Variants in RAD51B observed in about 807,000 individuals in gnomAD.
The protein encoded by RAD51B is RAD51 paralog B, also known as DNA repair protein RAD51 homolog 2.
RAD51B carries 38 observed loss-of-function variants against 42.2 expected under a neutral mutation model. The observed-to-expected ratio is 0.90, with a 90% confidence interval of 0.70 to 1.18. RAD51B has a LOEUF of 1.18. Ranked by LOEUF, RAD51B falls within the 50% of genes most tolerant of loss-of-function variation. RAD51B has a pLI of 0.00. For synonymous variants in RAD51B, 154 were observed against 145.2 expected (o/e 1.06, Z -0.43); for missense variants, 373 against 400.7 (o/e 0.93, Z 0.59).
At chr14:68,557,231 A>T (rs2140009284) in intron 10 of RAD51B, among the ~76,000 whole-genome samples, 1 of 152,330 alleles carries the variant, frequency 6.6e-6, no homozygotes, top group South Asian at 2.1e-4. Context: ...AAAGTTGAAA[A>T]TATTGTGAGT....
At chr14:68,347,689 TAAAG>T (rs1276208203) in intron 8 of RAD51B, among the ~76,000 whole-genome samples, 13 of 152,256 alleles carry the variant, frequency 8.5e-5, no homozygotes, top group Admixed American at 6.5e-4. Context: ...TAATAATAAA[TAAAG>T]AAACAGGCCC....
chr14:68,355,061 A>C (rs551160875), intron 8 of RAD51B, among the ~76,000 whole-genome samples: 1 of 152,226 alleles, frequency 6.6e-6, no homozygotes, highest in Non-Finnish European at 1.5e-5. Context: ...CGTGATGCAC[A>C]GTAAAAAGAA....
intron 8 of RAD51B, among the ~76,000 whole-genome samples, chr14:68,345,643 C>T (rs1329603974): frequency 6.6e-6 from 1 of 151,546 alleles, no homozygotes; most frequent in Non-Finnish European, 1.5e-5. Flanking sequence ...TTAAGCTCAG[C>T]GTCAGGTGTT....
chr14:68,446,955 G>T (rs1030659889), intron 9 of RAD51B, among the ~76,000 whole-genome samples: 2 of 152,182 alleles, frequency 1.3e-5, no homozygotes, highest in Non-Finnish European at 2.9e-5. Flanking sequence ...GGTGGCTCAT[G>T]CCTGTAATCC....
At chr14:68,549,942 C>T (rs1428896799) in intron 10 of RAD51B, among the ~76,000 whole-genome samples, 1 of 152,164 alleles carries the variant, frequency 6.6e-6, no homozygotes. Flanking sequence ...TGCAAGTTTT[C>T]CAGCTGTCCC....
intron 7 of RAD51B, among the ~76,000 whole-genome samples, chr14:68,258,052 A>AAT (rs2080791674): frequency 6.6e-6 from 1 of 152,172 alleles, no homozygotes; most frequent in Non-Finnish European, 1.5e-5. Flanking sequence ...GAAATGTATT[A>AAT]CTAATCACCT....
chr14:68,399,036 G>A (rs533001813), intron 8 of RAD51B, among the ~76,000 whole-genome samples: 1 of 152,260 alleles, frequency 6.6e-6, no homozygotes, highest in East Asian at 1.9e-4. Context: ...AAAGTTAACA[G>A]ATGATTCTGA....
intron 7 of RAD51B, among the ~76,000 whole-genome samples, chr14:67,993,228 A>G (rs1040077722): frequency 5.9e-5 from 9 of 152,192 alleles, no homozygotes; most frequent in Admixed American, 3.3e-4. Context: ...TTTAAAATGT[A>G]CAAAAAATTA....
intron 7 of RAD51B, among the ~76,000 whole-genome samples, chr14:67,967,171 C>T (rs940981053): frequency 2.0e-5 from 3 of 152,142 alleles, no homozygotes; most frequent in East Asian, 1.9e-4. Flanking sequence ...TTCACTACCA[C>T]GAAAACAGTG....
In RAD51B at chr14:68,425,972, C is replaced by CTTTCTTTCTTTCTTTG. The variant is rs1201664663; in HGVS notation, c.957+14451_957+14452insTCTTTCTTTGTTTCTT. ...TCTTTCTTTCTTTCTTTCTTTCTTTCTTTCTTCCTTCCTTCCTTCCTTCCT... is the reference window on the plus strand; with the variant it reads ...TCTTTCTTTCTTTCTTTCTTTCTTTCTTTCTTTCTTTCTTTGTTTCTTCCTTCCTTCCTTCCTTCCT... On this transcript the variant is annotated intron_variant, in intron 9 of 10. Transcript: ENST00000471583. 3.7e-4 allele frequency among the ~76,000 whole-genome samples: 45 copies of CTTTCTTTCTTTCTTTG among 121,054 alleles called. 1 individual carries two copies. The East Asian group carries it at 9.0e-3, about 24-fold the overall frequency. The allele number at this position is 121,054 out of a possible 152,430, so 79.4% of individuals were successfully genotyped here. A position where few individuals can be genotyped will look rare whatever the true frequency, so the allele number is the denominator to read the frequency against.
At chr14:68,189,382 T>C (rs1357192053) in intron 7 of RAD51B, among the ~76,000 whole-genome samples, 1 of 152,116 alleles carries the variant, frequency 6.6e-6, no homozygotes. Context: ...AAGTATTTTT[T>C]TGTAGATGTT....
chr14:67,989,994 C>CTTTT (rs539586350), intron 7 of RAD51B, among the ~76,000 whole-genome samples: 13 of 118,384 alleles, frequency 1.1e-4, no homozygotes, highest in South Asian at 2.8e-4. Context: ...CTTTTAACAT[C>CTTTT]TTTTTTTTTT....
At chr14:68,338,259 A>C (rs1003991878) in intron 8 of RAD51B, among the ~76,000 whole-genome samples, 1 of 152,224 alleles carries the variant, frequency 6.6e-6, no homozygotes, top group South Asian at 2.1e-4. Context: ...GGACCCAGGC[A>C]ACTAGTCCCT....
chr14:68,387,528 A>G (rs1367126786), intron 8 of RAD51B, among the ~76,000 whole-genome samples: 1 of 152,248 alleles, frequency 6.6e-6, no homozygotes, highest in African/African-American at 2.4e-5. Context: ...TTGTGCCTCT[A>G]TAGCAGGATG....
chr14:67,921,175 CAG>C (rs2044309747), intron 7 of RAD51B, among the ~76,000 whole-genome samples: 3 of 152,132 alleles, frequency 2.0e-5, no homozygotes, highest in Admixed American at 6.5e-5. Flanking sequence ...CCTGGAAAAT[CAG>C]AGTCCTTAGA....
chr14:68,100,663 C>G (rs947385696), intron 7 of RAD51B, among the ~76,000 whole-genome samples: 8 of 152,100 alleles, frequency 5.3e-5, no homozygotes, highest in African/African-American at 1.9e-4. Context: ...TTTACTTGAG[C>G]TTGACTTACC....
At chr14:68,618,452 T>C (rs2140113571) in intron 10 of RAD51B, among the ~76,000 whole-genome samples, 3 of 152,330 alleles carry the variant, frequency 2.0e-5, no homozygotes, top group Middle Eastern at 6.8e-3. Context: ...CTGTGGATTC[T>C]CCTAACTATT....
intron 1 of RAD51B, 59 bp from the exon 2 acceptor site, chr14:67,823,483 A>T: frequency 6.9e-7 from 1 of 1,447,744 alleles, no homozygotes; most frequent in African/African-American, 1.4e-5. Context: ...ATTCACTATC[A>T]CTTATGTTAT....
At chr14:67,864,901 T>C in intron 4 of RAD51B, 102 bp from the exon 5 acceptor site, 1 of 1,416,954 alleles carries the variant, frequency 7.1e-7, no homozygotes, top group South Asian at 1.4e-5. Context: ...TTGGACTGCA[T>C]ATATGGCAAA....
Sources: gnomAD v4.1 joint callset for allele counts (sites outside exome capture counted in the v4.1 genomes callset) on GRCh38, gnomAD v4.1.1 for gene constraint, MANE v1.5 for transcripts, NCBI Gene and HGNC (gene_info 2026-07-23, HGNC 2026-07-21) for gene names.